The following RPS6KA2 variants were observed in gnomAD, a reference collection of about 807,000 sequenced individuals.
RPS6KA2 encodes ribosomal protein S6 kinase alpha-2.
RPS6KA2 carries 42 observed loss-of-function variants against 91.8 expected under a neutral mutation model. The ratio of observed to expected loss-of-function variants is 0.46; its 90% CI spans 0.36 to 0.59. The LOEUF is 0.59. Ranked by LOEUF, RPS6KA2 falls within the 20% of genes least tolerant of loss-of-function variation. The pLI is 0.00. For synonymous variants in RPS6KA2, 414 were observed against 393.6 expected, an observed-to-expected ratio of 1.05 and a Z score of -0.61; for missense variants, 798 against 978.5, an observed-to-expected ratio of 0.82 and a Z score of 2.46.
chr6:166,566,932 C>T (rs1389189887), intron 1 of RPS6KA2, among the ~76,000 whole-genome samples: 1 of 152,242 alleles, frequency 6.6e-6, no homozygotes, highest in African/African-American at 2.4e-5. Flanking sequence ...GGGATTTTCC[C>T]TCGGACACAG....
At position 166,437,203 on chromosome 6, in the gene RPS6KA2, C is replaced by T. The variant is rs1779351897; in HGVS notation, c.1333-4713G>A. 6.6e-6 allele frequency among the ~76,000 whole-genome samples: 1 copy of T among 152,026 alleles called. No individual in the cohort carries two copies. The highest frequency in any genetic ancestry group is 1.5e-5 in the Non-Finnish European group (1 of 68,014). ...GGTTTGGACACACTGTTTAGGAGCA[C>T]CAGGGAGTGGGCCCCAAGTGCCTGC... On this transcript the variant is annotated intron_variant, in intron 14 of 20. Transcript: ENST00000265678. The surrounding 1 kb of genome is among the most constrained non-coding windows in gnomAD (Gnocchi z 4.3).
At chr6:166,615,217 T>C (rs1466601332) in intron 1 of RPS6KA2, among the ~76,000 whole-genome samples, 1 of 152,206 alleles carries the variant, frequency 6.6e-6, no homozygotes, top group Admixed American at 6.5e-5. Flanking sequence ...CTCATCTGAC[T>C]GGGAAACAAG....
exon 1 of RPS6KA2, chr6:166,862,254 C>G (rs1781063821): frequency 6.2e-7 from 1 of 1,602,976 alleles, no homozygotes; most frequent in South Asian, 1.1e-5. Flanking sequence ...AGGGGGACGG[C>G]CAGACGGGAT....
chr6:166,481,373 T>C (rs1318150120), intron 10 of RPS6KA2, among the ~76,000 whole-genome samples: 1 of 152,278 alleles, frequency 6.6e-6, no homozygotes, highest in Non-Finnish European at 1.5e-5. Flanking sequence ...TTAAAAAGGA[T>C]ACTGATGTCT....
chr6:166,645,397 T>C (rs1787574786), intron 2 of RPS6KA2, among the ~76,000 whole-genome samples: 1 of 152,230 alleles, frequency 6.6e-6, no homozygotes, highest in South Asian at 2.1e-4. Flanking sequence ...ATCAGAACAC[T>C]TGGGCTGGAG....
At chr6:166,748,545 C>T (rs1317144000) in intron 2 of RPS6KA2, among the ~76,000 whole-genome samples, 109 of 107,944 alleles carry the variant, frequency 1.0e-3, no homozygotes, top group African/African-American at 3.9e-3. Context: ...GCCCCCCATC[C>T]CCTTGGGCCC....
chr6:166,731,014 G>C (rs957111400), intron 2 of RPS6KA2, among the ~76,000 whole-genome samples: 4 of 152,160 alleles, frequency 2.6e-5, no homozygotes, highest in Non-Finnish European at 4.4e-5. Flanking sequence ...AGGCCGAGGC[G>C]GGCGGATCAC....
At chr6:166,672,067 T>A (rs1357783498) in intron 2 of RPS6KA2, among the ~76,000 whole-genome samples, 2 of 152,204 alleles carry the variant, frequency 1.3e-5, no homozygotes, top group Non-Finnish European at 2.9e-5. Context: ...TGGGTCCCGC[T>A]AGTTGCTGCT....
chr6:166,491,269 C>T (rs780565961), intron 8 of RPS6KA2, among the ~76,000 whole-genome samples: 1 of 152,228 alleles, frequency 6.6e-6, no homozygotes, highest in Non-Finnish European at 1.5e-5. Context: ...CTCTCAGATA[C>T]AGCTGCCGCA....
At chr6:166,764,238 T>C (rs377794) in intron 2 of RPS6KA2, among the ~76,000 whole-genome samples, 19,892 of 151,944 alleles carry the variant, frequency 0.13, 1,603 homozygotes, top group Middle Eastern at 0.21. Flanking sequence ...CGGCACAGTG[T>C]GGTCAGGGTC....
chr6:166,685,953 G>A (rs111646351), intron 2 of RPS6KA2, among the ~76,000 whole-genome samples: 2,473 of 152,318 alleles, frequency 0.016, 59 homozygotes, highest in South Asian at 0.083. Flanking sequence ...TAGGAGGGAG[G>A]GGGACAGAGG....
At chr6:166,609,524 T>G (rs1786084094) in intron 1 of RPS6KA2, among the ~76,000 whole-genome samples, 14 of 140,000 alleles carry the variant, frequency 1.0e-4, no homozygotes, top group Non-Finnish European at 2.0e-4. Flanking sequence ...TTTTTTTTTT[T>G]GAGACAGAGT....
Position 166,418,356 on chromosome 6 carries a change from C to A in RPS6KA2, c.1821-14G>T, listed in dbSNP as rs754262484. The A allele has an allele frequency of 6.3e-7, 1 of 1,584,476 alleles. No homozygotes were observed. The highest frequency in any genetic ancestry group is 8.7e-7 in the Non-Finnish European group (1 of 1,154,926). On this transcript the variant is annotated splice_polypyrimidine_tract_variant and intron_variant, in intron 18 of 20. Coordinates refer to ENST00000265678, the MANE Select transcript of RPS6KA2 (RefSeq NM_021135.6). The surrounding 1 kb of genome is among the most constrained non-coding windows in gnomAD (Gnocchi z 4.9). ...AAAGGGGTAAATCTGTATAATTAGACAAATTTGTGGTAATGAGCTTGTATT... is the reference window on the plus strand; with the variant it reads ...AAAGGGGTAAATCTGTATAATTAGAAAAATTTGTGGTAATGAGCTTGTATT...
chr6:166,694,667 G>A (rs1380071306), intron 2 of RPS6KA2, among the ~76,000 whole-genome samples: 4 of 152,146 alleles, frequency 2.6e-5, no homozygotes, highest in Non-Finnish European at 4.4e-5. Flanking sequence ...TTACCTTCCC[G>A]TAGCTTTAAA....
At chr6:166,835,409 T>C (rs967556173) in intron 2 of RPS6KA2, among the ~76,000 whole-genome samples, 2 of 152,258 alleles carry the variant, frequency 1.3e-5, no homozygotes, top group African/African-American at 4.8e-5. Flanking sequence ...CTTCTGATCA[T>C]GACCTTAGCC....
chr6:166,816,954 G>C (rs35658801), intron 2 of RPS6KA2, among the ~76,000 whole-genome samples: 72,575 of 151,854 alleles, frequency 0.48, 18,931 homozygotes, highest in Middle Eastern at 0.61. Context: ...CTCTCACTCC[G>C]AGTCCACGCC....
Position 166,423,397 on chromosome 6 carries a change from C to T in RPS6KA2, c.1602G>A (p.Lys534=), listed in dbSNP as rs903796871. 15 of 1,610,832 alleles carry T rather than the reference C, an allele frequency of 9.3e-6. No homozygotes were observed. The highest frequency in any genetic ancestry group is 1.3e-5 in the Non-Finnish European group (15 of 1,177,440). Residue 534 remains lysine (K), a synonymous_variant, in exon 17 of 21, where the codon AAG becomes AAA. Coordinates refer to ENST00000265678, the MANE Select transcript of RPS6KA2 (RefSeq NM_021135.6). This position sits in a 1 kb window ranked among gnomAD's most constrained non-coding sequence, Gnocchi z 4.8. The stretch of plus-strand genomic sequence containing the variant: ...CATCCCTGTACAGGATGTTACTCGG[C>T]TTCAGGTCTCGATGAACAACCTGCA... The part of the protein sequence containing the change: ...HSQGVVHRDL[K]PSNILYRDES...
rs532541330 is a variant in RPS6KA2, at chr6:166,679,719, A to C, written c.124-140935T>G. On this transcript the variant is annotated intron_variant, in intron 2 of 21. Coordinates refer to the RPS6KA2 transcript ENST00000503859. ...GGGGGCCCATCTCTGGGGCTGGCCG[A>C]GGCCGGAGCCGGCTCTCTCTGCTGG... 2.0e-5 allele frequency among the ~76,000 whole-genome samples: 3 copies of C among 152,308 alleles called. No homozygotes were observed. The South Asian group carries it at 6.2e-4, about 32-fold the overall frequency.
At chr6:166,454,118 G>T (rs889769482) in intron 12 of RPS6KA2, among the ~76,000 whole-genome samples, 6 of 152,322 alleles carry the variant, frequency 3.9e-5, no homozygotes, top group South Asian at 4.1e-4. Flanking sequence ...CTCCTCAGGT[G>T]ATGGTTACAC....
Sources: gnomAD v4.1 joint callset for allele counts (sites outside exome capture counted in the v4.1 genomes callset) on GRCh38, gnomAD v4.1.1 for gene constraint, Gnocchi (gnomAD v3.1) non-coding constraint, MANE v1.5 for transcripts, NCBI Gene and HGNC (gene_info 2026-07-23, HGNC 2026-07-21) for gene names.